DACH2: variants seen among roughly 807,000 people sequenced by gnomAD.
DACH2 encodes the protein dachshund homolog 2.
Under a neutral mutation model 35.8 loss-of-function variants are expected in DACH2, and 17 were observed. That is an observed-to-expected ratio of 0.48 (90% confidence interval 0.33 to 0.71). The LOEUF is 0.71. Among genes scored for constraint, DACH2 ranks in the 30% least tolerant of loss-of-function variants. The pLI, the probability that DACH2 is intolerant of heterozygous loss-of-function variation, is 0.02. For missense variants in DACH2, 469 were observed against 472.7 expected, an observed-to-expected ratio of 0.99 and a Z score of 0.07; for synonymous variants, 195 against 177.3, an observed-to-expected ratio of 1.10 and a Z score of -0.79.
At chrX:86,375,780 A>G (rs769077750) in intron 1 of DACH2, among the ~76,000 whole-genome samples, 1 of 109,675 alleles carries the variant, frequency 9.1e-6, no homozygotes, top group Admixed American at 9.9e-5. Context: ...TTGAGCAGAG[A>G]AACAGTTGCT....
At chrX:86,560,196 A>T (rs1480939419) in intron 3 of DACH2, among the ~76,000 whole-genome samples, 1 of 38,780 alleles carries the variant, frequency 2.6e-5, no homozygotes, top group Non-Finnish European at 4.3e-5. Context: ...TCCTTCACTT[A>T]TGAAGCTTAG....
At chrX:86,739,303 C>T (rs771673158) in intron 6 of DACH2, among the ~76,000 whole-genome samples, 3 of 111,352 alleles carry the variant, frequency 2.7e-5, no homozygotes, top group Non-Finnish European at 5.7e-5. Context: ...GTGCCAGGTG[C>T]CACAATTTGT....
At chrX:86,429,419 A>G (rs1025469670) in intron 2 of DACH2, among the ~76,000 whole-genome samples, 2 of 111,774 alleles carry the variant, frequency 1.8e-5, no homozygotes, top group African/African-American at 6.5e-5. Context: ...CATTGAAATA[A>G]ACACTGATTC....
chrX:86,644,963 C>A (rs1327904423), intron 3 of DACH2, among the ~76,000 whole-genome samples: 1 of 110,372 alleles, frequency 9.1e-6, no homozygotes, highest in Admixed American at 9.7e-5. Context: ...TATAAAAACC[C>A]TGGAAGACAA....
At chrX:86,667,292 A>G (rs1347491298) in intron 4 of DACH2, among the ~76,000 whole-genome samples, 1 of 68,807 alleles carries the variant, frequency 1.5e-5, no homozygotes, top group Non-Finnish European at 2.7e-5. Flanking sequence ...AGAGGAAGGA[A>G]GGAAGGAAGG....
intron 1 of DACH2, among the ~76,000 whole-genome samples, chrX:86,194,631 A>C (rs753853448): frequency 3.3e-4 from 37 of 112,760 alleles, no homozygotes; most frequent in Non-Finnish European, 6.0e-4. Flanking sequence ...GAATCCTGGC[A>C]GAAGGAGACA....
chrX:86,470,027 CAGTT>C (rs199700200), intron 2 of DACH2, among the ~76,000 whole-genome samples: 4,045 of 99,438 alleles, frequency 0.041, 82 homozygotes, highest in East Asian at 0.21. Context: ...CAGATGCTCT[CAGTT>C]AGATATTTCA....
At chrX:86,254,805 T>TAGAGAG (rs1265976523) in intron 1 of DACH2, among the ~76,000 whole-genome samples, 34 of 60,761 alleles carry the variant, frequency 5.6e-4, no homozygotes, top group Non-Finnish European at 7.7e-4. Context: ...TATATATATA[T>TAGAGAG]ATAGAGAGAG....
At chrX:86,553,102 A>G (rs2039072550) in intron 3 of DACH2, among the ~76,000 whole-genome samples, 1 of 111,163 alleles carries the variant, frequency 9.0e-6, no homozygotes, top group Admixed American at 9.6e-5. Context: ...AATAGGCCAT[A>G]TGAAAGCTGA....
intron 1 of DACH2, among the ~76,000 whole-genome samples, chrX:86,347,199 C>G (rs1035808212): frequency 6.3e-5 from 7 of 111,951 alleles, no homozygotes; most frequent in Non-Finnish European, 9.4e-5. Flanking sequence ...CGAGGAAAAA[C>G]CATCAATATT....
intron 9 of DACH2, among the ~76,000 whole-genome samples, chrX:86,814,056 T>A (rs1328511768): frequency 9.0e-6 from 1 of 110,822 alleles, no homozygotes; most frequent in Non-Finnish European, 1.9e-5. Flanking sequence ...GTATATGCGG[T>A]CCATCATTGA....
intron 3 of DACH2, among the ~76,000 whole-genome samples, chrX:86,624,817 T>C (rs2040114415): frequency 9.0e-6 from 1 of 111,621 alleles, no homozygotes; most frequent in South Asian, 3.8e-4. Flanking sequence ...CTACAAAAGA[T>C]GGAGTGCCTT....
chrX:86,699,122 C>T (rs1003533401), intron 5 of DACH2, among the ~76,000 whole-genome samples: 4 of 111,730 alleles, frequency 3.6e-5, no homozygotes, highest in African/African-American at 9.8e-5. Context: ...TCATAGTGAG[C>T]GTCTTCAACA....
Position 86,824,378 on chromosome X carries a change from T to G in DACH2, c.1751-7728T>G, listed in dbSNP as rs1393296944. Among the ~76,000 whole-genome samples, 9 of 112,040 alleles carry G rather than the reference T, an allele frequency of 8.0e-5. No homozygotes were observed. The Admixed American group carries it at 8.5e-4, about 11-fold the overall frequency. On this transcript the variant is annotated intron_variant, in intron 11 of 11. Transcript: ENST00000373125. ...CCCACAGGTAGTCAGACCTTATGGTTGTCTTCCCTTGTTCCCTGAAAATCG... is the reference window on the plus strand; with the variant it reads ...CCCACAGGTAGTCAGACCTTATGGTGGTCTTCCCTTGTTCCCTGAAAATCG...
chrX:86,457,905 C>A (rs1160186793), intron 2 of DACH2, among the ~76,000 whole-genome samples: 1 of 111,859 alleles, frequency 8.9e-6, no homozygotes, highest in Non-Finnish European at 1.9e-5. Flanking sequence ...GTTTTTTACT[C>A]ATGTGTATTT....
At chrX:86,320,805 A>G (rs1439443484) in intron 1 of DACH2, among the ~76,000 whole-genome samples, 1 of 112,175 alleles carries the variant, frequency 8.9e-6, no homozygotes, top group African/African-American at 3.2e-5. Context: ...TAGAGACTGA[A>G]TGCTTTCCCA....
Position 86,623,776 on chromosome X carries a change from G to A in DACH2, c.641-27260G>A, listed in dbSNP as rs904799134. Among the ~76,000 whole-genome samples the A allele has an allele frequency of 1.2e-4, 12 of 98,776 alleles. 2 individuals are homozygous for A. Among genetic ancestry groups the A allele is most frequent in the Non-Finnish European group, 1.9e-4 (9 of 46,805 alleles). The allele number at this position is 98,776 out of a possible 115,157, so 85.8% of individuals were successfully genotyped here. The stretch of plus-strand genomic sequence containing the variant: ...ACCTATTAAAAAGTGGCGGCCGGGC[G>A]CGGTGGCTCACGCCTGTAATCCCAG... On this transcript the variant is annotated intron_variant, in intron 3 of 11. Transcript: ENST00000373125.
At chrX:86,808,411 A>G (rs1057363578) in intron 7 of DACH2, among the ~76,000 whole-genome samples, 12 of 111,491 alleles carry the variant, frequency 1.1e-4, no homozygotes, top group African/African-American at 3.6e-4. Context: ...GTTTTCATTT[A>G]TCTGTATTAT....
At chrX:86,296,311 G>A (rs368335775) in intron 1 of DACH2, among the ~76,000 whole-genome samples, 1,594 of 100,593 alleles carry the variant, frequency 0.016, 48 homozygotes, top group African/African-American at 0.055. Context: ...AACCCTGGAG[G>A]CGGAGCTTGC....
Sources: allele counts gnomAD v4.1 joint callset (sites outside exome capture counted in the v4.1 genomes callset), GRCh38; gene constraint gnomAD v4.1.1; transcripts MANE v1.5; gene names NCBI Gene and HGNC (gene_info 2026-07-23, HGNC 2026-07-21).